Variants in SPON1 observed in about 807,000 individuals in gnomAD.
SPON1 encodes the protein spondin 1, also known as spondin-1.
SPON1 carries 52 observed loss-of-function variants against 111.7 expected under a neutral mutation model. The ratio of observed to expected loss-of-function variants is 0.47; its 90% CI spans 0.37 to 0.59. The LOEUF is 0.59. Among genes scored for constraint, SPON1 ranks in the 20% least tolerant of loss-of-function variants. The pLI, the probability that SPON1 is intolerant of heterozygous loss-of-function variation, is 0.00. For missense variants in SPON1, 957 were observed against 1,068.5 expected, an observed-to-expected ratio of 0.90 and a Z score of 1.46; for synonymous variants, 410 against 395.8, an observed-to-expected ratio of 1.04 and a Z score of -0.43.
intron 6 of SPON1, among the ~76,000 whole-genome samples, chr11:14,177,216 A>G (rs1848187251): frequency 6.6e-6 from 1 of 152,120 alleles, no homozygotes; most frequent in Non-Finnish European, 1.5e-5. Flanking sequence ...AATTTTTTGT[A>G]TTTTTAGTAG....
chr11:14,167,739 C>A (rs1479271147), intron 6 of SPON1, among the ~76,000 whole-genome samples: 2 of 151,814 alleles, frequency 1.3e-5, no homozygotes, highest in Non-Finnish European at 2.9e-5. Flanking sequence ...CTAAGAAAAC[C>A]CTGTTACTTG....
intron 6 of SPON1, among the ~76,000 whole-genome samples, chr11:14,235,700 A>AAAAAAAAAAAAAAAAAAT (rs1554939155): frequency 6.6e-6 from 1 of 150,396 alleles, no homozygotes; most frequent in African/African-American, 2.5e-5. Context: ...AAAAAAAAAA[A>AAAAAAAAAAAAAAAAAAT]AAAAAAAGTA....
chr11:14,188,751 A>G (rs911367299), intron 6 of SPON1, among the ~76,000 whole-genome samples: 4 of 152,290 alleles, frequency 2.6e-5, no homozygotes, highest in South Asian at 2.1e-4. Flanking sequence ...ACCTTGGGAA[A>G]GTCCTTAATC....
At chr11:14,160,827 A>ATATATATT (rs1469311601) in intron 6 of SPON1, among the ~76,000 whole-genome samples, 1 of 42,260 alleles carries the variant, frequency 2.4e-5, no homozygotes, top group Non-Finnish European at 4.0e-5. Context: ...TATATATTTT[A>ATATATATT]TATATATTTA....
intron 6 of SPON1, among the ~76,000 whole-genome samples, chr11:14,194,880 G>T (rs1848384255): frequency 6.6e-6 from 1 of 152,138 alleles, no homozygotes; most frequent in African/African-American, 2.4e-5. Context: ...TAAACCTAAA[G>T]TAAATATTTA....
chr11:13,966,918 A>C (rs1201251666), intron 1 of SPON1, among the ~76,000 whole-genome samples: 1 of 152,228 alleles, frequency 6.6e-6, no homozygotes, highest in African/African-American at 2.4e-5. Flanking sequence ...ATTGTCACAC[A>C]GTGGTTGCTA....
At chr11:14,004,995 G>C (rs1848347958) in intron 2 of SPON1, among the ~76,000 whole-genome samples, 1 of 152,112 alleles carries the variant, frequency 6.6e-6, no homozygotes, top group Non-Finnish European at 1.5e-5. Flanking sequence ...TTTTTTTAGA[G>C]ATGGAGTCTC....
chr11:14,141,777 G>T (rs1286684830), intron 6 of SPON1, among the ~76,000 whole-genome samples: 1 of 151,940 alleles, frequency 6.6e-6, no homozygotes, highest in Non-Finnish European at 1.5e-5. Context: ...TCTGATTTTT[G>T]ATTTTCTAAA....
intron 6 of SPON1, among the ~76,000 whole-genome samples, chr11:14,238,262 G>T (rs1318053462): frequency 6.6e-6 from 1 of 152,150 alleles, no homozygotes; most frequent in African/African-American, 2.4e-5. Context: ...GATGGTAGGG[G>T]CATCAGGCAA....
intron 6 of SPON1, among the ~76,000 whole-genome samples, chr11:14,156,698 C>G (rs1554930437): frequency 1.3e-5 from 2 of 152,072 alleles, no homozygotes; most frequent in Non-Finnish European, 2.9e-5. Context: ...GATCCAGTTT[C>G]AGCTTTCTAC....
chr11:14,081,558 T>C (rs1315577104), intron 5 of SPON1, among the ~76,000 whole-genome samples: 6 of 152,034 alleles, frequency 3.9e-5, no homozygotes, highest in African/African-American at 1.2e-4. Context: ...CTGCCTTTTG[T>C]TTGGGTTGCG....
intron 6 of SPON1, among the ~76,000 whole-genome samples, chr11:14,193,220 A>G (rs782792258): frequency 1.3e-5 from 2 of 152,186 alleles, no homozygotes; most frequent in African/African-American, 2.4e-5. Flanking sequence ...GTGTGGTGAG[A>G]AACAGGGTAA....
intron 5 of SPON1, among the ~76,000 whole-genome samples, chr11:14,095,455 A>ATT (rs138097882): frequency 2.7e-4 from 40 of 150,080 alleles, no homozygotes; most frequent in South Asian, 6.4e-4. Context: ...TAGATAATAC[A>ATT]TTTTTTTTTG....
intron 6 of SPON1, among the ~76,000 whole-genome samples, chr11:14,142,509 C>G (rs1366086682): frequency 6.6e-6 from 1 of 152,188 alleles, no homozygotes; most frequent in Non-Finnish European, 1.5e-5. Flanking sequence ...ATAAATTAAG[C>G]CTTCAAATAT....
chr11:14,183,974 A>G (rs923186123), intron 6 of SPON1, among the ~76,000 whole-genome samples: 4 of 152,216 alleles, frequency 2.6e-5, no homozygotes, highest in African/African-American at 9.6e-5. Context: ...GAAATGCTAT[A>G]CATATGTTGA....
At chr11:14,069,360 C>T (rs1166681711) in intron 3 of SPON1, among the ~76,000 whole-genome samples, 1 of 152,106 alleles carries the variant, frequency 6.6e-6, no homozygotes, top group Non-Finnish European at 1.5e-5. Context: ...CTCTTTCTGC[C>T]TTAGATCCAA....
intron 2 of SPON1, among the ~76,000 whole-genome samples, chr11:14,034,561 G>T (rs1051009360): frequency 2.0e-5 from 3 of 152,200 alleles, no homozygotes; most frequent in Non-Finnish European, 2.9e-5. Context: ...TGGCAACTGA[G>T]GTTGTGGATA....
At chr11:14,170,474 G>T (rs1477721903) in intron 6 of SPON1, among the ~76,000 whole-genome samples, 1 of 152,072 alleles carries the variant, frequency 6.6e-6, no homozygotes, top group Non-Finnish European at 1.5e-5. Flanking sequence ...TTTCCTAATT[G>T]AATGCCTTTT....
Position 14,075,417 on chromosome 11 carries a change from A to G in SPON1, c.552A>G (p.Gln184=). 1 of 1,550,466 alleles carries G rather than the reference A, an allele frequency of 6.4e-7. No homozygotes were observed. Among genetic ancestry groups the G allele is most frequent in the Non-Finnish European group, 8.7e-7 (1 of 1,143,916 alleles). The change falls in exon 4 of 16, where the codon CAA becomes CAG. Residue 184 remains glutamine (Q), a splice_region_variant and synonymous_variant. Coordinates refer to ENST00000576479, the MANE Select transcript of SPON1 (RefSeq NM_006108.4). ...CTCTGACCAAGAAACTTTGTGAACA[A>G]GGTAAGACCCTGTGGGTGGGGAGGG... ...EGSLTKKLCE[Q]DSTFDGVTDK...
Sources: allele counts gnomAD v4.1 joint callset (sites outside exome capture counted in the v4.1 genomes callset), GRCh38; gene constraint gnomAD v4.1.1; transcripts MANE v1.5; gene names NCBI Gene and HGNC (gene_info 2026-07-23, HGNC 2026-07-21).